ADAM10: variants seen among roughly 807,000 people sequenced by gnomAD.
ADAM10 encodes disintegrin and metalloproteinase domain-containing protein 10.
ADAM10 carries 17 observed loss-of-function variants against 90.1 expected under a neutral mutation model. The observed-to-expected ratio is 0.19, with a 90% CI of 0.13 to 0.28. The LOEUF is 0.28. Ranked by LOEUF, ADAM10 falls within the 10% of genes least tolerant of loss-of-function variation. The pLI, the probability that ADAM10 is intolerant of heterozygous loss-of-function variation, is 1.00. For missense variants in ADAM10, 610 were observed against 914.3 expected (o/e 0.67, Z 4.29); for synonymous variants, 310 against 298.6 (o/e 1.04, Z -0.40).
At chr15:58,614,145 C>A (rs1485646774) in intron 11 of ADAM10, among the ~76,000 whole-genome samples, 1 of 151,998 alleles carries the variant, frequency 6.6e-6, no homozygotes, top group East Asian at 1.9e-4. Context: ...ACTAGCTGGG[C>A]ATGGTGGCAC....
intron 2 of ADAM10, among the ~76,000 whole-genome samples, chr15:58,687,855 T>A (rs1472257539): frequency 2.0e-5 from 3 of 152,098 alleles, no homozygotes; most frequent in Non-Finnish European, 2.9e-5. Flanking sequence ...ATAATCTAAT[T>A]ATGGAGATGG....
In ADAM10 at chr15:58,633,328, T is replaced by C. The variant is rs375418990; in HGVS notation, c.1044A>G (p.Lys348=). ...GSSGGICEKS[K]LYSDGKKKSL... ...ACTTCTTCTTACCATCTGAATAGAGTTTACTTTTTTCACATATTCCTCCAG... is the reference window on the plus strand; with the variant it reads ...ACTTCTTCTTACCATCTGAATAGAGCTTACTTTTTTCACATATTCCTCCAG... Residue 348 remains lysine, a synonymous_variant, in exon 9 of 16, where the codon AAA becomes AAG. Transcript: ENST00000260408. The C allele has an allele frequency of 6.2e-6, 10 of 1,613,566 alleles. No homozygotes were observed. The highest frequency in any genetic ancestry group is 8.5e-6 in the Non-Finnish European group (10 of 1,179,770).
rs1218013090 is a variant in ADAM10, at chr15:58,621,536, T to C, written c.1446A>G (p.Glu482=). 6.2e-7 allele frequency: 1 copy of C among 1,614,156 alleles called. No homozygotes were observed. Residue 482 remains glutamate (E), a synonymous_variant, in exon 11 of 16, where the codon GAA becomes GAG. Coordinates refer to ENST00000260408, the MANE Select transcript of ADAM10 (RefSeq NM_001110.4). ...DCGYSDQCKD[E]CCFDANQPEG... ...CTGGTTGATTTGCATCGAAGCAGCA[T>C]TCATCTTTACACTGGTCACTATAGC...
At chr15:58,700,765 A>G (rs1229109386) in intron 2 of ADAM10, among the ~76,000 whole-genome samples, 1 of 152,150 alleles carries the variant, frequency 6.6e-6, no homozygotes, top group East Asian at 1.9e-4. Flanking sequence ...CTGAAAGCCC[A>G]GCACCCTGAG....
intron 14 of ADAM10, among the ~76,000 whole-genome samples, chr15:58,601,228 G>A (rs1404424881): frequency 2.0e-5 from 3 of 152,094 alleles, no homozygotes; most frequent in African/African-American, 7.2e-5. Flanking sequence ...TTGGGAGGCC[G>A]GGGCGGGTGG....
intron 2 of ADAM10, among the ~76,000 whole-genome samples, chr15:58,687,388 C>A (rs1234615923): frequency 6.6e-6 from 1 of 151,998 alleles, no homozygotes; most frequent in Non-Finnish European, 1.5e-5. Context: ...AAAATGTGAC[C>A]CACAGAACAT....
At chr15:58,741,919 C>CA (rs1281300544) in intron 1 of ADAM10, among the ~76,000 whole-genome samples, 60 of 152,270 alleles carry the variant, frequency 3.9e-4, no homozygotes, top group African/African-American at 1.4e-3. Context: ...TTTCCTGACA[C>CA]AGACTATCGA....
chr15:58,702,800 T>C (rs1898170840), intron 2 of ADAM10, among the ~76,000 whole-genome samples: 1 of 152,134 alleles, frequency 6.6e-6, no homozygotes, highest in African/African-American at 2.4e-5. Flanking sequence ...AATTAACTTG[T>C]ATCTAAAACA....
intron 2 of ADAM10, among the ~76,000 whole-genome samples, chr15:58,688,056 A>T (rs1897655969): frequency 6.6e-6 from 1 of 152,200 alleles, no homozygotes; most frequent in Non-Finnish European, 1.5e-5. Flanking sequence ...ACGTACATGT[A>T]AAACTGATGA....
chr15:58,652,551 G>A (rs1255210467), intron 5 of ADAM10, among the ~76,000 whole-genome samples: 1 of 152,094 alleles, frequency 6.6e-6, no homozygotes, highest in Non-Finnish European at 1.5e-5. Flanking sequence ...CACTGTAGGT[G>A]TATCAATTTG....
chr15:58,658,349 T>C (rs1257864854), intron 5 of ADAM10, among the ~76,000 whole-genome samples: 1 of 152,222 alleles, frequency 6.6e-6, no homozygotes, highest in Admixed American at 6.5e-5. Context: ...TTGCTACATT[T>C]ACCTACATGT....
chr15:58,636,196 GA>G (rs1896245270), intron 8 of ADAM10, among the ~76,000 whole-genome samples: 1 of 151,510 alleles, frequency 6.6e-6, no homozygotes, highest in Non-Finnish European at 1.5e-5. Context: ...GGAATCATTT[GA>G]ACCCAGGAGG....
intron 7 of ADAM10, among the ~76,000 whole-genome samples, chr15:58,643,262 T>C (rs145341213): frequency 5.9e-5 from 9 of 152,264 alleles, no homozygotes; most frequent in Non-Finnish European, 1.0e-4. Context: ...GATCAGCTTT[T>C]CTCAAAATGC....
chr15:58,686,592 A>C (rs1897610680), intron 2 of ADAM10: 2 of 1,096,782 alleles, frequency 1.8e-6, no homozygotes. Context: ...CCCTTCTGGG[A>C]ACCCAGATCC....
chr15:58,658,123 G>A (rs551794930), intron 5 of ADAM10, among the ~76,000 whole-genome samples: 1 of 152,002 alleles, frequency 6.6e-6, no homozygotes, highest in Admixed American at 6.6e-5. Flanking sequence ...TTTCTCCTAT[G>A]TTTTTTCCTA....
Position 58,597,631 on chromosome 15 carries a change from C to G in ADAM10, c.2163G>C (p.Lys721Asn). Residue 721 changes from lysine to asparagine, a missense_variant, in exon 16 of 16, where the codon AAG (lysine) becomes AAC (asparagine). By Grantham distance (94) the Lys-to-Asn change is moderately conservative. Around this residue, in one of 4 missense-constraint regions of ADAM10, gnomAD observed 150 missense variants for 268.5 expected, o/e 0.56. Transcript: ENST00000260408. ...PPPKPLPGTL[K>N]RRRPPQPIQQ... ...GAATGGGCTGTGGAGGTCTCCTCCT[C>G]TTTAAAGTGCCTGTGAGCCACAAAT... is the stretch of plus-strand genomic sequence containing the variant. 1.2e-6 allele frequency: 2 copies of G among 1,614,032 alleles called. No homozygotes were observed. The highest frequency in any genetic ancestry group is 1.7e-6 in the Non-Finnish European group (2 of 1,179,988).
At chr15:58,619,383 A>T (rs1262270067) in intron 11 of ADAM10, among the ~76,000 whole-genome samples, 1 of 152,192 alleles carries the variant, frequency 6.6e-6, no homozygotes, top group Non-Finnish European at 1.5e-5. Flanking sequence ...AAACACATAG[A>T]AGGAATGAGC....
intron 9 of ADAM10, among the ~76,000 whole-genome samples, chr15:58,629,672 A>G (rs1384240880): frequency 6.6e-6 from 1 of 152,222 alleles, no homozygotes; most frequent in Non-Finnish European, 1.5e-5. Flanking sequence ...ATCATAATCT[A>G]CCATGCACTA....
intron 4 of ADAM10, among the ~76,000 whole-genome samples, chr15:58,678,615 T>C (rs1276758771): frequency 1.3e-5 from 2 of 152,152 alleles, no homozygotes; most frequent in Admixed American, 1.3e-4. Context: ...ATAAAGATGG[T>C]AGAGAACAAA....
Sources: gnomAD v4.1 joint callset for allele counts (sites outside exome capture counted in the v4.1 genomes callset) on GRCh38, gnomAD v4.1.1 for gene constraint, gnomAD v4.1.1 regional missense constraint, MANE v1.5 for transcripts, NCBI Gene and HGNC (gene_info 2026-07-23, HGNC 2026-07-21) for gene names.